Variants in RBMS1 observed in about 807,000 individuals in gnomAD.
RBMS1 encodes the protein RNA-binding motif, single-stranded-interacting protein 1.
In RBMS1, 17 loss-of-function variants were observed where a neutral mutation model predicts 62.3. That is an observed-to-expected ratio of 0.27 (90% CI 0.19 to 0.41). The LOEUF is 0.41. Ranked by LOEUF, RBMS1 falls within the 10% of genes least tolerant of loss-of-function variation. RBMS1 has a pLI of 1.00. For synonymous variants in RBMS1, 172 were observed against 170.0 expected, an observed-to-expected ratio of 1.01 and a Z score of -0.09; for missense variants, 334 against 504.5, an observed-to-expected ratio of 0.66 and a Z score of 3.24.
chr2:160,283,340 A>G (rs1688197987), intron 9 of RBMS1: 1 of 152,240 alleles, frequency 6.6e-6, no homozygotes, highest in Non-Finnish European at 1.5e-5. Context: ...GCACTAGAGC[A>G]GATCTCACTG....
chr2:160,433,368 T>C (rs917538772), intron 1 of RBMS1, among the ~76,000 whole-genome samples: 1 of 152,218 alleles, frequency 6.6e-6, no homozygotes, highest in Non-Finnish European at 1.5e-5. Flanking sequence ...GAGCCGAGAT[T>C]GTGCCACTGC....
chr2:160,448,779 T>C (rs1461521954), intron 1 of RBMS1, among the ~76,000 whole-genome samples: 1 of 150,004 alleles, frequency 6.7e-6, no homozygotes, highest in East Asian at 2.0e-4. Context: ...GAGGAGCCCC[T>C]CTGCCCAGCC....
chr2:160,444,442 C>T (rs1185443234), intron 1 of RBMS1, among the ~76,000 whole-genome samples: 2 of 152,122 alleles, frequency 1.3e-5, no homozygotes, highest in Non-Finnish European at 2.9e-5. Flanking sequence ...TTATAAATGC[C>T]ATATACTGTT....
At chr2:160,320,246 T>C (rs916945779) in intron 2 of RBMS1, among the ~76,000 whole-genome samples, 3 of 152,182 alleles carry the variant, frequency 2.0e-5, no homozygotes, top group Non-Finnish European at 2.9e-5. Flanking sequence ...AGCCGGCGGA[T>C]GGCTTGAGCC....
chr2:160,285,637 A>G (rs1276649059), intron 7 of RBMS1, among the ~76,000 whole-genome samples: 1 of 151,926 alleles, frequency 6.6e-6, no homozygotes, highest in Non-Finnish European at 1.5e-5. Context: ...GAGAGTTTTA[A>G]TTAAAAAAAA....
At chr2:160,339,232 C>T (rs1234063184) in intron 2 of RBMS1, among the ~76,000 whole-genome samples, 1 of 152,118 alleles carries the variant, frequency 6.6e-6, no homozygotes, top group Non-Finnish European at 1.5e-5. Context: ...TTTTCCTTTA[C>T]CTGTAACACA....
chr2:160,295,735 AAG>A lies in RBMS1; in HGVS notation c.640+4914_640+4915del, dbSNP rs537162662. Among the ~76,000 whole-genome samples the A allele has an allele frequency of 4.7e-3, 720 of 152,340 alleles. 5 individuals are homozygous for A. The highest frequency in any genetic ancestry group is 0.016 in the African/African-American group (678 of 41,570). On this transcript the variant is annotated intron_variant, in intron 6 of 13. Transcript: ENST00000348849. ...AACCACGAAGTTCTTTAGAGAAAAA[AAG>A]AGACTGTCTAACCTTGATCTGTGAC...
chr2:160,430,429 A>AAATATCCTGGCC (rs1343207205), intron 1 of RBMS1, among the ~76,000 whole-genome samples: 7 of 152,316 alleles, frequency 4.6e-5, no homozygotes, highest in African/African-American at 1.4e-4. Context: ...ATCAAAGGTT[A>AAATATCCTGGCC]AATATCCTGG....
intron 1 of RBMS1, among the ~76,000 whole-genome samples, chr2:160,443,966 C>T (rs778014850): frequency 1.4e-4 from 21 of 152,152 alleles, no homozygotes; most frequent in Non-Finnish European, 2.8e-4. Context: ...ATGTCAACTG[C>T]TCTCTACTTA....
At chr2:160,484,989 G>C (rs1299469717) in intron 1 of RBMS1, among the ~76,000 whole-genome samples, 1 of 152,164 alleles carries the variant, frequency 6.6e-6, no homozygotes, top group Non-Finnish European at 1.5e-5. Flanking sequence ...CCAGCCTCAA[G>C]AGATGTTTGC....
intron 1 of RBMS1, among the ~76,000 whole-genome samples, chr2:160,393,882 T>C (rs1474894569): frequency 6.6e-6 from 1 of 152,126 alleles, no homozygotes; most frequent in Non-Finnish European, 1.5e-5. Context: ...TTGTTACAAA[T>C]AAGCTATGCG....
chr2:160,429,191 C>T (rs1278803032), intron 1 of RBMS1, among the ~76,000 whole-genome samples: 18 of 152,140 alleles, frequency 1.2e-4, no homozygotes, highest in Non-Finnish European at 2.6e-4. Context: ...GAGCAGTTAG[C>T]AGTTTTTGCA....
chr2:160,408,786 TGCAGTGCAGAAG>T (rs1434009706), intron 1 of RBMS1, among the ~76,000 whole-genome samples: 1 of 152,180 alleles, frequency 6.6e-6, no homozygotes, highest in Non-Finnish European at 1.5e-5. Context: ...CCCGAACCTG[TGCAGTGCAGAAG>T]GCCTCCACAG....
chr2:160,316,479 C>T (rs374591279), intron 3 of RBMS1, among the ~76,000 whole-genome samples: 4 of 152,208 alleles, frequency 2.6e-5, no homozygotes, highest in African/African-American at 7.2e-5. Flanking sequence ...GTCCATAAAT[C>T]TCTCTACTAT....
chr2:160,354,490 G>A (rs574957051), intron 2 of RBMS1, among the ~76,000 whole-genome samples: 1 of 152,258 alleles, frequency 6.6e-6, no homozygotes, highest in South Asian at 2.1e-4. Context: ...CTTTGAAGGT[G>A]AAGATGAAAC....
intron 2 of RBMS1, among the ~76,000 whole-genome samples, chr2:160,340,789 G>C (rs1483973466): frequency 6.6e-6 from 1 of 152,030 alleles, no homozygotes. Flanking sequence ...TAGAAAACTG[G>C]GATACCCATA....
At chr2:160,451,167 A>T (rs1040679811) in intron 1 of RBMS1, among the ~76,000 whole-genome samples, 4 of 125,930 alleles carry the variant, frequency 3.2e-5, no homozygotes, top group African/African-American at 5.3e-5. Flanking sequence ...AGAAAAAAAA[A>T]AATAAATAAA....
intron 1 of RBMS1, among the ~76,000 whole-genome samples, chr2:160,406,566 T>C (rs1379929019): frequency 6.6e-6 from 1 of 152,226 alleles, no homozygotes; most frequent in African/African-American, 2.4e-5. Flanking sequence ...TCAACAAGCA[T>C]CTTGCCACTG....
chr2:160,418,021 C>G (rs939735733), intron 1 of RBMS1, among the ~76,000 whole-genome samples: 1 of 152,176 alleles, frequency 6.6e-6, no homozygotes, highest in African/African-American at 2.4e-5. Flanking sequence ...CTCCTCAGCT[C>G]TCTCTCCACA....
Sources: gnomAD v4.1 joint callset for allele counts (sites outside exome capture counted in the v4.1 genomes callset) on GRCh38, gnomAD v4.1.1 for gene constraint, MANE v1.5 for transcripts, NCBI Gene and HGNC (gene_info 2026-07-23, HGNC 2026-07-21) for gene names.